Variants in ADAMTS16 observed in about 807,000 individuals in gnomAD.
The protein encoded by ADAMTS16 is A disintegrin and metalloproteinase with thrombospondin motifs 16.
In ADAMTS16, 94 loss-of-function variants were observed where a neutral mutation model predicts 145.8. That is an observed-to-expected ratio of 0.64 (90% CI 0.55 to 0.77). The LOEUF (loss-of-function observed/expected upper bound fraction) is 0.77, where lower values mean the gene tolerates loss of function less well. ADAMTS16 is among the 30% of genes least tolerant of loss of function. ADAMTS16 has a pLI of 0.00. For synonymous variants in ADAMTS16, 659 were observed against 604.3 expected (o/e 1.09, Z -1.33); for missense variants, 1,585 against 1,591.5 (o/e 1.00, Z 0.07).
chr5:5,309,548 T>A (rs1309953856), intron 21 of ADAMTS16, among the ~76,000 whole-genome samples: 1 of 152,198 alleles, frequency 6.6e-6, no homozygotes, highest in South Asian at 2.1e-4. Context: ...GCTACTAATA[T>A]TCCGTCTTTA....
intron 3 of ADAMTS16, among the ~76,000 whole-genome samples, chr5:5,158,685 C>A (rs1734664361): frequency 6.6e-6 from 1 of 152,072 alleles, no homozygotes; most frequent in Admixed American, 6.6e-5. Context: ...TAAAGAAAAT[C>A]TCTACACAAA....
chr5:5,150,992 T>A (rs1477275696), intron 3 of ADAMTS16, among the ~76,000 whole-genome samples: 1 of 152,160 alleles, frequency 6.6e-6, no homozygotes, highest in Non-Finnish European at 1.5e-5. Context: ...TGAGGCTCCA[T>A]TCATTTTTTC....
intron 21 of ADAMTS16, among the ~76,000 whole-genome samples, chr5:5,309,826 T>TTGTG (rs1740344144): frequency 3.8e-5 from 2 of 52,012 alleles, no homozygotes; most frequent in East Asian, 5.9e-4. Context: ...GGTCATGTCC[T>TTGTG]CGTGTGTGTG....
At chr5:5,311,179 A>G (rs1453239484) in intron 21 of ADAMTS16, among the ~76,000 whole-genome samples, 1 of 151,636 alleles carries the variant, frequency 6.6e-6, no homozygotes, top group African/African-American at 2.4e-5. Flanking sequence ...AGTAGCCCCA[A>G]CTCTGCAGGC....
At chr5:5,304,313 G>A (rs1312879173) in intron 20 of ADAMTS16, among the ~76,000 whole-genome samples, 1 of 152,130 alleles carries the variant, frequency 6.6e-6, no homozygotes, top group Non-Finnish European at 1.5e-5. Flanking sequence ...CACCATTCAG[G>A]AGCTGTCCTG....
At chr5:5,304,989 C>CACACA (rs1561000155) in intron 20 of ADAMTS16, among the ~76,000 whole-genome samples, 760 of 57,404 alleles carry the variant, frequency 0.013, 39 homozygotes, top group African/African-American at 0.045. Flanking sequence ...ACATCCTACA[C>CACACA]CACACACACA....
intron 3 of ADAMTS16, among the ~76,000 whole-genome samples, chr5:5,175,666 TG>T (rs1735172147): frequency 6.6e-6 from 1 of 152,226 alleles, no homozygotes. Flanking sequence ...CAAGGCTTAC[TG>T]GATCTCAGGT....
intron 17 of ADAMTS16, among the ~76,000 whole-genome samples, chr5:5,243,964 A>G (rs564883976): frequency 6.6e-6 from 1 of 152,204 alleles, no homozygotes; most frequent in Non-Finnish European, 1.5e-5. Context: ...TCACTTTTCT[A>G]AAGAGCTGCA....
intron 18 of ADAMTS16, among the ~76,000 whole-genome samples, chr5:5,295,094 G>T (rs1372814093): frequency 1.3e-5 from 2 of 152,130 alleles, no homozygotes; most frequent in Admixed American, 1.3e-4. Context: ...TTTAATTATG[G>T]CCCAAGCATT....
chr5:5,183,316 G>A (rs1169108175), intron 4 of ADAMTS16, among the ~76,000 whole-genome samples: 2 of 152,226 alleles, frequency 1.3e-5, no homozygotes, highest in Non-Finnish European at 2.9e-5. Flanking sequence ...CTGAGGTTGG[G>A]TGAGTGTTTG....
At chr5:5,302,870 G>A (rs938008730) in intron 18 of ADAMTS16, among the ~76,000 whole-genome samples, 4 of 152,252 alleles carry the variant, frequency 2.6e-5, no homozygotes, top group South Asian at 2.1e-4. Flanking sequence ...CCTTCAAAAC[G>A]CTGTAGGGGT....
intron 20 of ADAMTS16, among the ~76,000 whole-genome samples, chr5:5,305,223 C>CA (rs1740044458): frequency 9.8e-6 from 1 of 102,522 alleles, no homozygotes; most frequent in Non-Finnish European, 1.9e-5. Flanking sequence ...CACACACACA[C>CA]ATCCCACACC....
intron 5 of ADAMTS16, among the ~76,000 whole-genome samples, chr5:5,186,897 T>A (rs984809848): frequency 1.1e-4 from 17 of 152,216 alleles, no homozygotes; most frequent in Non-Finnish European, 2.2e-4. Context: ...TTTAAAAGTA[T>A]GTCTTTGCAT....
At chr5:5,242,267 T>G (rs973448973) in intron 17 of ADAMTS16, 76 bp downstream of exon 17, 21 of 1,559,548 alleles carry the variant, frequency 1.3e-5, no homozygotes, top group Non-Finnish European at 1.7e-5. Flanking sequence ...CTGGCCTTTC[T>G]TGAATCCTAA....
rs757073270 is a variant in ADAMTS16 at position 5,186,110 on chromosome 5, C to T, written c.822C>T (p.Cys274=). The change falls in exon 5 of 23, where the codon TGC becomes TGT. Residue 274 remains cysteine (C), a synonymous_variant. Transcript: ENST00000274181. ...TCTTGCCAGATGAGTATAAGTCTTG[C>T]TTACGGCATAAGCGCTCTCTTCTGA... is the stretch of plus-strand genomic sequence containing the variant. ...LFILPDEYKS[C]LRHKRSLLRS... 1.9e-6 allele frequency: 3 copies of T among 1,613,972 alleles called. No homozygotes were observed. The African/African-American group carries it at 4.0e-5, about 22-fold the overall frequency.
chr5:5,223,051 G>C (rs1736650944), intron 11 of ADAMTS16, 167 bp downstream of exon 11: 1 of 550,632 alleles, frequency 1.8e-6, no homozygotes, highest in South Asian at 3.1e-5. Flanking sequence ...ATAATGTGAA[G>C]AGGAATCCTT....
rs1478843380 is a variant in ADAMTS16 at position 5,317,555 on chromosome 5, C to T, written c.3412-579C>T. 6.6e-6 allele frequency among the ~76,000 whole-genome samples: 1 copy of T among 151,972 alleles called. No individual in the cohort carries two copies. Among genetic ancestry groups the T allele is most frequent in the Non-Finnish European group, 1.5e-5 (1 of 68,010 alleles). The stretch of plus-strand genomic sequence containing the variant: ...GATTACAGGTGCCCACCACCAGGCC[C>T]AGCTAATTTTTTTTCTTTTTTTAAT... On this transcript the variant is annotated intron_variant, in intron 21 of 22. Transcript: ENST00000274181. The surrounding 1 kb of genome is among the most constrained non-coding windows in gnomAD (Gnocchi z 4.5).
rs775104088 is a variant in ADAMTS16 at position 5,242,113 on chromosome 5, A to G, written c.2584A>G (p.Thr862Ala). The part of the protein sequence containing the change: ...AWEYSMPRLG[T>A]EKQPPAQPSY... ...GGAATACTCCATGCCTCGCTTGGGG[A>G]CCGAGAAGCAGCCCCCTGCCCAGCC... is the stretch of plus-strand genomic sequence containing the variant. Residue 862 changes from threonine to alanine, a missense_variant, in exon 17 of 23, where the codon ACC becomes GCC. By Grantham distance (58) the Thr-to-Ala change is moderately conservative. Coordinates refer to ENST00000274181, the MANE Select transcript of ADAMTS16 (RefSeq NM_139056.4). 1.2e-6 allele frequency: 2 copies of G among 1,613,960 alleles called. No individual in the cohort carries two copies. The highest frequency in any genetic ancestry group is 2.2e-5 in the South Asian group (2 of 91,062).
intron 18 of ADAMTS16, among the ~76,000 whole-genome samples, chr5:5,281,906 A>C (rs1236612018): frequency 2.0e-5 from 3 of 152,246 alleles, no homozygotes; most frequent in Admixed American, 6.5e-5. Context: ...GATAAAAGTG[A>C]ATAATGTGTG....
Sources: gnomAD v4.1 joint callset for allele counts (sites outside exome capture counted in the v4.1 genomes callset) on GRCh38, gnomAD v4.1.1 for gene constraint, Gnocchi (gnomAD v3.1) non-coding constraint, MANE v1.5 for transcripts, NCBI Gene and HGNC (gene_info 2026-07-23, HGNC 2026-07-21) for gene names.